Variants in SCNN1B observed in about 807,000 individuals in gnomAD.
The protein encoded by SCNN1B is epithelial sodium channel subunit beta.
Under a neutral mutation model 65.3 loss-of-function variants are expected in SCNN1B, and 46 were observed. The observed-to-expected ratio is 0.70, with a 90% CI of 0.56 to 0.90. The LOEUF is 0.90. SCNN1B is among the 40% of genes least tolerant of loss of function. The pLI is 0.00. For synonymous variants in SCNN1B, 349 were observed against 330.6 expected (o/e 1.06, Z -0.60); for missense variants, 751 against 830.5 (o/e 0.90, Z 1.18).
chr16:23,346,644 C>A (rs1483538133), intron 1 of SCNN1B, among the ~76,000 whole-genome samples: 1 of 151,810 alleles, frequency 6.6e-6, no homozygotes, highest in African/African-American at 2.4e-5. Context: ...CGTGGCCTGG[C>A]CCTGCTCACC....
intron 2 of SCNN1B, among the ~76,000 whole-genome samples, chr16:23,296,588 G>A (rs555655369): frequency 6.6e-6 from 1 of 152,206 alleles, no homozygotes; most frequent in African/African-American, 2.4e-5. Context: ...AATTTAAAGG[G>A]CTGGGAAATA....
At chr16:23,379,661 G>A (rs1017405849) in intron 11 of SCNN1B, among the ~76,000 whole-genome samples, 6 of 152,166 alleles carry the variant, frequency 3.9e-5, no homozygotes, top group East Asian at 1.9e-4. Flanking sequence ...AGCTCTGTGC[G>A]GAGTCACTCC....
chr16:23,364,023 C>T (rs2142031730), intron 4 of SCNN1B, among the ~76,000 whole-genome samples: 1 of 150,414 alleles, frequency 6.6e-6, no homozygotes, highest in East Asian at 2.0e-4. Flanking sequence ...AAAAATTAGC[C>T]AGGCGTGGTG....
intron 2 of SCNN1B, among the ~76,000 whole-genome samples, chr16:23,291,025 C>A (rs1960916399): frequency 6.6e-6 from 1 of 151,460 alleles, no homozygotes; most frequent in South Asian, 2.1e-4. Flanking sequence ...AAAAAAAATT[C>A]ATAAATCTAA....
rs1043581270 is a variant in SCNN1B, at chr16:23,348,317, C to CATT, written c.-8-274_-8-272dup. 6.6e-6 allele frequency among the ~76,000 whole-genome samples: 1 copy of CATT among 152,096 alleles called. No homozygotes were observed. Among genetic ancestry groups the CATT allele is most frequent in the African/African-American group, 2.4e-5 (1 of 41,402 alleles). ...TTCCCAAAGGGCAAAAAACCTTGTC[C>CATT]ATTTTGCTCATTGAGTCCAGAAGGA... On this transcript the variant is annotated intron_variant, in intron 1 of 12. Transcript: ENST00000343070. This position sits in a 1 kb window ranked among gnomAD's most constrained non-coding sequence, Gnocchi z 4.5.
chr16:23,331,943 G>A (rs1302689153), intron 1 of SCNN1B, among the ~76,000 whole-genome samples: 1 of 152,106 alleles, frequency 6.6e-6, no homozygotes, highest in Non-Finnish European at 1.5e-5. Flanking sequence ...TGTTTTGTGT[G>A]GGGGTGGGTT....
At chr16:23,350,430 T>C (rs554034333) in intron 2 of SCNN1B, among the ~76,000 whole-genome samples, 1 of 152,192 alleles carries the variant, frequency 6.6e-6, no homozygotes, top group East Asian at 1.9e-4. Context: ...TAGTCAGGGT[T>C]ATGGAGAGAC....
chr16:23,373,793 A>G (rs1466663060), intron 7 of SCNN1B, among the ~76,000 whole-genome samples: 2 of 152,098 alleles, frequency 1.3e-5, no homozygotes, highest in African/African-American at 2.4e-5. Context: ...ACTTCTGCCC[A>G]TTATGGAGAA....
At chr16:23,363,013 G>A (rs774722726) in intron 4 of SCNN1B, among the ~76,000 whole-genome samples, 1 of 152,144 alleles carries the variant, frequency 6.6e-6, no homozygotes, top group Non-Finnish European at 1.5e-5. Flanking sequence ...CTTAGCCATC[G>A]CTTACTTGTT....
At chr16:23,312,457 C>T (rs772895623) in intron 1 of SCNN1B, among the ~76,000 whole-genome samples, 10 of 151,944 alleles carry the variant, frequency 6.6e-5, no homozygotes, top group South Asian at 2.1e-4. Flanking sequence ...TTGAGGGGAC[C>T]GTGAGGCATT....
chr16:23,374,022 G>A (rs1040223170), intron 7 of SCNN1B, among the ~76,000 whole-genome samples: 2 of 152,134 alleles, frequency 1.3e-5, no homozygotes, highest in Non-Finnish European at 2.9e-5. Flanking sequence ...CCCCAACCAG[G>A]AGCAGGCTTG....
intron 5 of SCNN1B, among the ~76,000 whole-genome samples, chr16:23,370,884 G>A (rs1962767616): frequency 6.6e-6 from 1 of 152,220 alleles, no homozygotes; most frequent in Non-Finnish European, 1.5e-5. Flanking sequence ...CCAGAGTGAG[G>A]AACAGCATTC....
At chr16:23,287,512 G>A (rs1960867042) in intron 2 of SCNN1B, among the ~76,000 whole-genome samples, 1 of 152,012 alleles carries the variant, frequency 6.6e-6, no homozygotes, top group Non-Finnish European at 1.5e-5. Flanking sequence ...AGGAGTTCAA[G>A]ACCAGCCTGG....
At chr16:23,301,218 C>T (rs1340709646), upstream of SCNN1B, among the ~76,000 whole-genome samples, 3 of 151,688 alleles carry the variant, frequency 2.0e-5, no homozygotes, top group Non-Finnish European at 4.4e-5. Context: ...ACAAATTAGC[C>T]GGGCATGGTG....
At chr16:23,303,725 A>G (rs937344377) in intron 1 of SCNN1B, among the ~76,000 whole-genome samples, 4 of 151,216 alleles carry the variant, frequency 2.6e-5, no homozygotes, top group South Asian at 2.1e-4. Flanking sequence ...AGACCAGCCC[A>G]GCCTACATGG....
chr16:23,337,709 A>G (rs555532719), intron 1 of SCNN1B, among the ~76,000 whole-genome samples: 2 of 151,994 alleles, frequency 1.3e-5, no homozygotes, highest in Non-Finnish European at 2.9e-5. Flanking sequence ...GCAAATATAT[A>G]TGACATAGTA....
At chr16:23,357,480 G>A (rs113455070) in intron 4 of SCNN1B, among the ~76,000 whole-genome samples, 2,061 of 152,334 alleles carry the variant, frequency 0.014, 42 homozygotes, top group African/African-American at 0.048. Flanking sequence ...CTACTTGGGA[G>A]GCTGAGGAAG....
chr16:23,374,601 A>G (rs1962854259), intron 7 of SCNN1B, among the ~76,000 whole-genome samples: 1 of 148,952 alleles, frequency 6.7e-6, no homozygotes, highest in Non-Finnish European at 1.5e-5. Flanking sequence ...AAAAAAAAGA[A>G]TGTAAAACAC....
chr16:23,284,298 G>C (rs550464183), intron 2 of SCNN1B, among the ~76,000 whole-genome samples: 1 of 152,052 alleles, frequency 6.6e-6, no homozygotes, highest in South Asian at 2.1e-4. Context: ...CCAGCTACTC[G>C]GGAGGCTGAG....
Sources: allele counts gnomAD v4.1 joint callset (sites outside exome capture counted in the v4.1 genomes callset), GRCh38; gene constraint gnomAD v4.1.1; non-coding constraint Gnocchi (gnomAD v3.1); transcripts MANE v1.5; gene names NCBI Gene and HGNC (gene_info 2026-07-23, HGNC 2026-07-21).